The following NGEF variants were observed in gnomAD, a reference collection of about 807,000 sequenced individuals.
The protein encoded by NGEF is ephexin-1.
Under a neutral mutation model 80.9 loss-of-function variants are expected in NGEF, and 31 were observed. The ratio of observed to expected loss-of-function variants is 0.38; its 90% CI spans 0.29 to 0.52. The LOEUF is 0.52. NGEF is among the 20% of genes least tolerant of loss of function. The probability of loss-of-function intolerance (pLI) is 0.84; values close to 1 mark genes in which losing one functional copy is unlikely to be tolerated. For missense variants in NGEF, 709 were observed against 926.2 expected, an observed-to-expected ratio of 0.77 and a Z score of 3.04; for synonymous variants, 371 against 370.2, an observed-to-expected ratio of 1.00 and a Z score of -0.03.
At position 232,892,510 on chromosome 2, in the gene NGEF, T is replaced by C. The variant is rs1055760644; in HGVS notation, c.1142+388A>G. On this transcript the variant is annotated intron_variant, in intron 7 of 14. Transcript: ENST00000264051. This position sits in a 1 kb window ranked among gnomAD's most constrained non-coding sequence, Gnocchi z 4.0. The stretch of plus-strand genomic sequence containing the variant: ...GCCCCACCGAGGCTCCTTCCCATCC[T>C]GTCCCTGCCCTTGTCGCTAGTTCAA... Among the ~76,000 whole-genome samples the C allele has an allele frequency of 2.0e-5, 3 of 152,236 alleles. No homozygotes were observed. The highest frequency in any genetic ancestry group is 7.2e-5 in the African/African-American group (3 of 41,472).
At chr2:232,994,935 T>C (rs1221221335) in intron 1 of NGEF, among the ~76,000 whole-genome samples, 1 of 84,922 alleles carries the variant, frequency 1.2e-5, no homozygotes, top group Non-Finnish European at 2.2e-5. Context: ...TACATGGATA[T>C]ATACACACAT....
intron 5 of NGEF, among the ~76,000 whole-genome samples, chr2:232,907,782 G>A (rs1175898865): frequency 2.6e-5 from 4 of 152,042 alleles, no homozygotes; most frequent in South Asian, 4.2e-4. Flanking sequence ...GAACATTCAC[G>A]TTACTCATTT....
intron 5 of NGEF, among the ~76,000 whole-genome samples, chr2:232,897,717 C>G (rs928790779): frequency 6.6e-6 from 1 of 152,256 alleles, no homozygotes; most frequent in African/African-American, 2.4e-5. Flanking sequence ...GTGTCTGCAC[C>G]TCACTTGAGA....
chr2:232,986,946 T>A (rs1472545364), intron 1 of NGEF, among the ~76,000 whole-genome samples: 1 of 152,146 alleles, frequency 6.6e-6, no homozygotes, highest in Non-Finnish European at 1.5e-5. Flanking sequence ...AAGACAAAAT[T>A]AGAGGGGAAA....
intron 3 of NGEF, among the ~76,000 whole-genome samples, chr2:232,954,265 C>A (rs938697220): frequency 6.6e-6 from 1 of 152,136 alleles, no homozygotes; most frequent in Non-Finnish European, 1.5e-5. Flanking sequence ...AGGTGGGTAT[C>A]CAGGCTTTCA....
chr2:232,969,728 T>G (rs34790131), intron 3 of NGEF, among the ~76,000 whole-genome samples: 132,427 of 151,718 alleles, frequency 0.87, 58,018 homozygotes, highest in African/African-American at 0.93. Flanking sequence ...TGGCCAGGCT[T>G]GTCTCAAACT....
chr2:232,881,270 G>A lies in NGEF; in HGVS notation c.1838-20C>T, dbSNP rs1272559837. ...GGCAGTCTGAGGGACAAGAGGCACG[G>A]GCACATCCCCACCACCGCACTACCC... On this transcript the variant is annotated intron_variant, in intron 13 of 14. Coordinates refer to ENST00000264051, the MANE Select transcript of NGEF (RefSeq NM_019850.3). 1.3e-6 allele frequency: 2 copies of A among 1,589,962 alleles called. No homozygotes were observed. Among genetic ancestry groups the A allele is most frequent in the African/African-American group, 2.7e-5 (2 of 74,610 alleles).
Position 232,928,247 on chromosome 2 carries a change from G to A in NGEF, c.384-1061C>T, listed in dbSNP as rs946850344. On this transcript the variant is annotated intron_variant, in intron 3 of 14. Transcript: ENST00000264051. ...CGCGGCGGGGGCGAGGCCGGGCGGC[G>A]GCGGGGCGGGGGCGCCCGGGCTGGG... 105 of 837,132 alleles carry A rather than the reference G, an allele frequency of 1.3e-4. No homozygotes were observed. The African/African-American group carries it at 1.7e-3, about 14-fold the overall frequency. 51.9% of individuals were successfully genotyped at this position (837,132 alleles called of 1,614,324 possible).
chr2:232,891,462 G>A lies in NGEF; in HGVS notation c.1168C>T (p.Leu390=). 1.9e-6 allele frequency: 3 copies of A among 1,613,234 alleles called. No individual in the cohort carries two copies. Among genetic ancestry groups the A allele is most frequent in the Non-Finnish European group, 2.5e-6 (3 of 1,179,922 alleles). ...GGGTCGAGCTCTAGCTGCGCGATCA[G>A]CTCCCGGAAAGCTGCCTTCTCCTGG... ...LLQEKAAFRE[L]IAQLELDPKC... The change falls in exon 8 of 15, where the codon CTG becomes TTG. Residue 390 remains leucine (L), a synonymous_variant. Transcript: ENST00000264051.
chr2:232,951,065 C>A (rs887577092), intron 3 of NGEF, among the ~76,000 whole-genome samples: 2 of 152,154 alleles, frequency 1.3e-5, no homozygotes, highest in African/African-American at 4.8e-5. Flanking sequence ...AGTGGGCTGC[C>A]TTAGAGGCCG....
intron 5 of NGEF, among the ~76,000 whole-genome samples, chr2:232,916,376 C>A (rs907508248): frequency 2.0e-5 from 3 of 152,144 alleles, no homozygotes; most frequent in African/African-American, 7.2e-5. Context: ...AGTAGCGGAG[C>A]TGAGAAACCT....
chr2:232,882,913 T>G (rs1194908545), intron 12 of NGEF, among the ~76,000 whole-genome samples: 2 of 151,280 alleles, frequency 1.3e-5, no homozygotes, highest in Non-Finnish European at 2.9e-5. Context: ...CTCAGAGAGG[T>G]GAAGAGATGA....
chr2:232,981,547 C>G (rs935582902), intron 1 of NGEF, among the ~76,000 whole-genome samples: 3 of 152,142 alleles, frequency 2.0e-5, no homozygotes, highest in African/African-American at 7.2e-5. Context: ...GATGGATCAG[C>G]TGACACCACC....
intron 8 of NGEF, among the ~76,000 whole-genome samples, chr2:232,890,208 T>C (rs1691835107): frequency 9.1e-6 from 1 of 110,168 alleles, no homozygotes; most frequent in Non-Finnish European, 2.3e-5. Context: ...CCTGCCTCAC[T>C]GGGCCTGTCA....
chr2:233,010,538 C>G (rs537152253), intron 1 of NGEF, among the ~76,000 whole-genome samples: 4 of 152,138 alleles, frequency 2.6e-5, no homozygotes, highest in Non-Finnish European at 4.4e-5. Flanking sequence ...ATCATCCATC[C>G]CTTTGATGGT....
chr2:233,006,746 G>T (rs1319095513), intron 1 of NGEF, among the ~76,000 whole-genome samples: 1 of 152,174 alleles, frequency 6.6e-6, no homozygotes, highest in African/African-American at 2.4e-5. Context: ...TGGCGATCCT[G>T]TATGATCTTT....
chr2:232,905,839 G>A (rs745608899), intron 5 of NGEF: 9 of 274,936 alleles, frequency 3.3e-5, no homozygotes, highest in Admixed American at 1.4e-4. Flanking sequence ...CTGCCACCCC[G>A]TCTGGGAAGT....
intron 8 of NGEF, among the ~76,000 whole-genome samples, 179 bp downstream of exon 8, chr2:232,891,179 C>T (rs937964054): frequency 9.2e-5 from 14 of 152,262 alleles, no homozygotes; most frequent in African/African-American, 3.4e-4. Flanking sequence ...CTCCCCTCTG[C>T]GATGGGCTCC....
chr2:232,899,639 T>G (rs1692214280), intron 5 of NGEF, among the ~76,000 whole-genome samples: 1 of 137,532 alleles, frequency 7.3e-6, no homozygotes, highest in Non-Finnish European at 1.6e-5. Flanking sequence ...CAGTCACTCA[T>G]ATACACGTTC....
Sources: gnomAD v4.1 joint callset for allele counts (sites outside exome capture counted in the v4.1 genomes callset) on GRCh38, gnomAD v4.1.1 for gene constraint, Gnocchi (gnomAD v3.1) non-coding constraint, MANE v1.5 for transcripts, NCBI Gene and HGNC (gene_info 2026-07-23, HGNC 2026-07-21) for gene names.